The following LINGO2 variants were observed in gnomAD, a reference collection of about 807,000 sequenced individuals.
LINGO2 encodes leucine-rich repeat and immunoglobulin-like domain-containing nogo receptor-interacting protein 2.
Under a neutral mutation model 30.6 loss-of-function variants are expected in LINGO2, and 14 were observed. That is an observed-to-expected ratio of 0.46 (90% CI 0.30 to 0.72). The LOEUF (loss-of-function observed/expected upper bound fraction) is 0.72, where lower values mean the gene tolerates loss of function less well. LINGO2 is among the 30% of genes least tolerant of loss of function. The pLI, the probability that LINGO2 is intolerant of heterozygous loss-of-function variation, is 0.07. For missense variants in LINGO2, 729 were observed against 751.7 expected (o/e 0.97, Z 0.35); for synonymous variants, 317 against 288.5 (o/e 1.10, Z -1.00).
At chr9:27,981,089 C>G (rs1403116851) in intron 5 of LINGO2, among the ~76,000 whole-genome samples, 2 of 151,746 alleles carry the variant, frequency 1.3e-5, no homozygotes, top group South Asian at 4.1e-4. Flanking sequence ...ACACATGGGG[C>G]TTTTCATTGA....
intron 1 of LINGO2, among the ~76,000 whole-genome samples, chr9:28,572,691 A>T (rs1051528597): frequency 5.9e-5 from 9 of 151,316 alleles, no homozygotes; most frequent in African/African-American, 2.2e-4. Context: ...TGATTCATTC[A>T]TCCTTTTATG....
chr9:28,582,521 A>G (rs1824308247), intron 1 of LINGO2, among the ~76,000 whole-genome samples: 1 of 152,080 alleles, frequency 6.6e-6, no homozygotes, highest in South Asian at 2.1e-4. Flanking sequence ...ACATGCTTCT[A>G]CACAAGAGCT....
At chr9:28,780,071 G>C in the LINGO2 span, among the ~76,000 whole-genome samples, 1 of 152,082 alleles carries the variant, frequency 6.6e-6, no homozygotes, top group African/African-American at 2.4e-5. Flanking sequence ...AAGTCAAATG[G>C]AACCTGACAG....
chr9:28,486,714 A>AG (rs199716418), intron 1 of LINGO2, among the ~76,000 whole-genome samples: 1 of 151,872 alleles, frequency 6.6e-6, no homozygotes, highest in East Asian at 1.9e-4. Flanking sequence ...CTTCAATGTA[A>AG]AAAAAATCTT....
intron 1 of LINGO2, among the ~76,000 whole-genome samples, chr9:28,540,260 C>A (rs1821625948): frequency 6.8e-6 from 1 of 147,788 alleles, no homozygotes; most frequent in Non-Finnish European, 1.5e-5. Flanking sequence ...CTCTTTCTGT[C>A]TCTCTCTCTC....
the LINGO2 span, among the ~76,000 whole-genome samples, chr9:29,174,147 C>T: frequency 3.3e-5 from 5 of 152,004 alleles, no homozygotes; most frequent in African/African-American, 9.7e-5. Context: ...AAAAGATACT[C>T]GCTTTCCTGG....
the LINGO2 span, among the ~76,000 whole-genome samples, chr9:28,778,887 A>T: frequency 6.6e-6 from 1 of 152,216 alleles, no homozygotes; most frequent in Non-Finnish European, 1.5e-5. Context: ...ACATGGAAGC[A>T]TTAGATTCTG....
chr9:27,960,889 A>C (rs1420665591), intron 5 of LINGO2, among the ~76,000 whole-genome samples: 2 of 151,770 alleles, frequency 1.3e-5, no homozygotes, highest in African/African-American at 2.4e-5. Flanking sequence ...TTGTATTTCA[A>C]TTCCTCCTGT....
the LINGO2 span, chr9:27,938,237 C>T: frequency 3.9e-5 from 6 of 152,144 alleles, no homozygotes; most frequent in African/African-American, 1.2e-4. Flanking sequence ...CTAAGCCAAT[C>T]GATGGCCAAC....
the LINGO2 span, among the ~76,000 whole-genome samples, chr9:28,753,295 T>C: frequency 6.6e-6 from 1 of 151,954 alleles, no homozygotes; most frequent in African/African-American, 2.4e-5. Context: ...TGATTTGAAA[T>C]AGGGTGGTTT....
At chr9:29,114,702 C>T in the LINGO2 span, among the ~76,000 whole-genome samples, 8 of 151,674 alleles carry the variant, frequency 5.3e-5, no homozygotes, top group East Asian at 5.8e-4. Context: ...TGGTTTCCAG[C>T]TTCATCCATG....
the LINGO2 span, among the ~76,000 whole-genome samples, chr9:28,856,628 A>C: frequency 6.6e-6 from 1 of 152,050 alleles, no homozygotes; most frequent in Non-Finnish European, 1.5e-5. Flanking sequence ...ATGGAAAGTA[A>C]ATCACTGTGA....
At chr9:28,281,233 A>G (rs992347994) in intron 4 of LINGO2, among the ~76,000 whole-genome samples, 1 of 152,074 alleles carries the variant, frequency 6.6e-6, no homozygotes, top group African/African-American at 2.4e-5. Flanking sequence ...TTATTTTTTT[A>G]AAAATTAATA....
chr9:27,966,296 C>T (rs376843532), intron 5 of LINGO2, among the ~76,000 whole-genome samples: 12 of 152,138 alleles, frequency 7.9e-5, no homozygotes, highest in African/African-American at 2.9e-4. Flanking sequence ...GGCAAAAATT[C>T]CTGCTAAGAA....
At chr9:28,054,797 A>C (rs1254033220) in intron 4 of LINGO2, among the ~76,000 whole-genome samples, 1 of 152,130 alleles carries the variant, frequency 6.6e-6, no homozygotes, top group Non-Finnish European at 1.5e-5. Flanking sequence ...CTTAATTTTT[A>C]ATTTTCAATA....
chr9:28,463,149 T>C (rs978126321), intron 2 of LINGO2, among the ~76,000 whole-genome samples: 27 of 152,048 alleles, frequency 1.8e-4, no homozygotes, highest in African/African-American at 6.5e-4. Flanking sequence ...AATTTTATTG[T>C]TTCACAAGTT....
rs1825339235 is a variant in LINGO2 at position 28,329,363 on chromosome 9, G to A, written c.-245-33997C>T. Among the ~76,000 whole-genome samples the A allele has an allele frequency of 6.6e-6, 1 of 152,084 alleles. No homozygotes were observed. The highest frequency in any genetic ancestry group is 1.5e-5 in the Non-Finnish European group (1 of 68,026). On this transcript the variant is annotated intron_variant, in intron 3 of 5. Coordinates refer to ENST00000379992, the Ensembl canonical transcript of LINGO2. The surrounding 1 kb of genome is among the most constrained non-coding windows in gnomAD (Gnocchi z 4.5). ...CCCTTCAAAGCAGTACCTTCTGCCTGTTACTAAACCCCTTCTCTCCATATG... is the reference window on the plus strand; with the variant it reads ...CCCTTCAAAGCAGTACCTTCTGCCTATTACTAAACCCCTTCTCTCCATATG...
intron 4 of LINGO2, among the ~76,000 whole-genome samples, chr9:28,237,465 G>A (rs1164176157): frequency 4.6e-5 from 7 of 151,908 alleles, no homozygotes; most frequent in Admixed American, 2.0e-4. Context: ...TAATAACATC[G>A]AATGTAAAGA....
intron 1 of LINGO2, among the ~76,000 whole-genome samples, chr9:28,631,083 T>C (rs769636935): frequency 5.3e-5 from 8 of 150,850 alleles, no homozygotes; most frequent in Non-Finnish European, 1.0e-4. Flanking sequence ...TTAAAAAAAT[T>C]ATAAATGAAA....
Sources: allele counts gnomAD v4.1 joint callset (sites outside exome capture counted in the v4.1 genomes callset), GRCh38; gene constraint gnomAD v4.1.1; non-coding constraint Gnocchi (gnomAD v3.1); transcripts MANE v1.5; gene names NCBI Gene and HGNC (gene_info 2026-07-23, HGNC 2026-07-21).